The following SCAP variants were observed in gnomAD, a reference collection of about 807,000 sequenced individuals.
SCAP encodes SREBF chaperone, also known as sterol regulatory element-binding protein cleavage-activating protein.
Under a neutral mutation model 123.6 loss-of-function variants are expected in SCAP, and 65 were observed. The ratio of observed to expected loss-of-function variants is 0.53; its 90% CI spans 0.43 to 0.65. The LOEUF (loss-of-function observed/expected upper bound fraction) is 0.65. Among genes scored for constraint, SCAP ranks in the 30% least tolerant of loss-of-function variants. The pLI, the probability that SCAP is intolerant of heterozygous loss-of-function variation, is 0.00. For missense variants in SCAP, 1,398 were observed against 1,712.5 expected, an observed-to-expected ratio of 0.82 and a Z score of 3.24; for synonymous variants, 740 against 726.3, an observed-to-expected ratio of 1.02 and a Z score of -0.30.
intron 10 of SCAP, chr3:47,421,246 AGAAAGGGCT>A: frequency 3.4e-6 from 2 of 583,696 alleles, no homozygotes; most frequent in East Asian, 2.9e-5. Context: ...CACTTTCTTC[AGAAAGGGCT>A]GAAAGGGAAG....
intron 1 of SCAP, chr3:47,469,798 A>C (rs1182910323): frequency 1.8e-6 from 1 of 559,634 alleles, no homozygotes; most frequent in Admixed American, 2.0e-5. Context: ...TCAACAAGGA[A>C]GAGACTTGCA....
chr3:47,414,301 G>A lies in SCAP; in HGVS notation c.3473C>T (p.Ala1158Val). ...LTGSRVSHVF[A>V]HRGDVTSLTC... is the part of the protein sequence containing the mutation. ...AAGGGAGGTGACATCCCCACGGTGA[G>A]CAAACACATGGCTGACCCGGCTGCC... The change falls in exon 22 of 23, where the codon GCT becomes GTT. Residue 1158 changes from alanine to valine, a missense_variant. Physicochemically the swap from Ala to Val is moderately conservative, Grantham distance 64. This residue lies in a region of SCAP where 130 missense variants were observed against 166.7 expected (regional missense o/e 0.78). Transcript: ENST00000265565. 1 of 1,613,306 alleles carries A rather than the reference G, an allele frequency of 6.2e-7. No homozygotes were observed. Among genetic ancestry groups the A allele is most frequent in the Non-Finnish European group, 8.5e-7 (1 of 1,180,024 alleles).
chr3:47,422,011 G>A (rs1705923741), intron 10 of SCAP, among the ~76,000 whole-genome samples: 2 of 152,290 alleles, frequency 1.3e-5, no homozygotes, highest in South Asian at 4.1e-4. Context: ...CTGCGGCACA[G>A]GCCAGGGCCA....
At chr3:47,447,749 G>A (rs1259948402) in intron 1 of SCAP, among the ~76,000 whole-genome samples, 1 of 151,630 alleles carries the variant, frequency 6.6e-6, no homozygotes, top group South Asian at 2.1e-4. Flanking sequence ...GTTCATGCCT[G>A]TAATCCCAGC....
intron 1 of SCAP, among the ~76,000 whole-genome samples, chr3:47,458,875 G>A (rs560589126): frequency 3.3e-4 from 50 of 152,264 alleles, no homozygotes; most frequent in Non-Finnish European, 8.8e-5. Flanking sequence ...GCGTGATCTC[G>A]GCTCACTGCA....
At chr3:47,442,504 A>G (rs1559556355) in intron 2 of SCAP, among the ~76,000 whole-genome samples, 1 of 152,246 alleles carries the variant, frequency 6.6e-6, no homozygotes, top group Non-Finnish European at 1.5e-5. Flanking sequence ...TTTGCCTCGC[A>G]ACACACAAAA....
At position 47,420,898 on chromosome 3, in the gene SCAP, A is replaced by C. The variant is rs1372364368; in HGVS notation, c.1344+33T>G. On this transcript the variant is annotated intron_variant, in intron 11 of 22. Coordinates refer to ENST00000265565, the MANE Select transcript of SCAP (RefSeq NM_012235.4). This position sits in a 1 kb window ranked among gnomAD's most constrained non-coding sequence, Gnocchi z 5.0. ...TCCCTCAGTACAGCCAGGGCTGAGG[A>C]GGCGGGCAGGGCAGGGCTCAGCCCA... 1.9e-6 allele frequency: 3 copies of C among 1,596,320 alleles called. No individual in the cohort carries two copies. Among genetic ancestry groups the C allele is most frequent in the South Asian group, 1.1e-5 (1 of 90,718 alleles).
intron 7 of SCAP, 108 bp downstream of exon 7, chr3:47,425,889 G>T: frequency 8.0e-7 from 1 of 1,247,994 alleles, no homozygotes; most frequent in Non-Finnish European, 1.1e-6. Flanking sequence ...ACCACCAGGT[G>T]TGTTCTATCT....
At chr3:47,418,034 G>T in intron 16 of SCAP, 100 bp downstream of exon 16, 1 of 804,420 alleles carries the variant, frequency 1.2e-6, no homozygotes, top group Non-Finnish European at 2.0e-6. Flanking sequence ...AGGGGTTGGG[G>T]GATACCTCGG....
chr3:47,443,694 A>G (rs1391812438), intron 1 of SCAP, among the ~76,000 whole-genome samples: 1 of 152,166 alleles, frequency 6.6e-6, no homozygotes, highest in Non-Finnish European at 1.5e-5. Flanking sequence ...TCTTGGTCCT[A>G]TAGTTGTTCC....
intron 1 of SCAP, among the ~76,000 whole-genome samples, chr3:47,444,042 G>C (rs1352226463): frequency 1.3e-5 from 2 of 152,116 alleles, no homozygotes; most frequent in Non-Finnish European, 1.5e-5. Flanking sequence ...CGTTTTGTAA[G>C]CTATTCTATA....
At chr3:47,436,643 G>GA (rs1470641213) in intron 2 of SCAP, among the ~76,000 whole-genome samples, 2 of 151,200 alleles carry the variant, frequency 1.3e-5, no homozygotes, top group Non-Finnish European at 3.0e-5. Context: ...GAAAAAAAAA[G>GA]AAAAAAAAGA....
rs1705790683 is a variant in SCAP, at chr3:47,419,405, A to G, written c.1863T>C (p.Asp621=). Residue 621 remains aspartate, a synonymous_variant, in exon 13 of 23, where the codon GAT becomes GAC. Coordinates refer to ENST00000265565, the MANE Select transcript of SCAP (RefSeq NM_012235.4). This position sits in a 1 kb window ranked among gnomAD's most constrained non-coding sequence, Gnocchi z 5.0. ...AGGACAATTTCCTCCAAAGTTCCTCATCCTCAGGCCCCCAGGTTACCTCTG... is the reference window on the plus strand; with the variant it reads ...AGGACAATTTCCTCCAAAGTTCCTCGTCCTCAGGCCCCCAGGTTACCTCTG... ...PVPEVTWGPE[D]EELWRKLSFR... 1 of 1,611,760 alleles carries G rather than the reference A, an allele frequency of 6.2e-7. No individual in the cohort carries two copies. The highest frequency in any genetic ancestry group is 8.5e-7 in the Non-Finnish European group (1 of 1,179,338).
rs543715859 is a variant in SCAP, at chr3:47,414,401, C to G, written c.3388-15G>C. The G allele has an allele frequency of 6.2e-7, 1 of 1,612,146 alleles. No individual in the cohort carries two copies. The highest frequency in any genetic ancestry group is 1.1e-5 in the South Asian group (1 of 91,076). On this transcript the variant is annotated splice_polypyrimidine_tract_variant and intron_variant, in intron 21 of 22. Transcript: ENST00000265565. ...AGCACCATGGTCTGGGGAAACAGGC[C>G]AGGGGAGTGGGGTCACCATGGTGTA...
intron 3 of SCAP, among the ~76,000 whole-genome samples, chr3:47,432,168 T>C (rs1706384918): frequency 6.6e-6 from 1 of 151,724 alleles, no homozygotes; most frequent in South Asian, 2.1e-4. Flanking sequence ...ATACAAAAAA[T>C]TAGCCAGGCG....
chr3:47,418,310 C>A lies in SCAP; in HGVS notation c.2331+11G>T. 1 of 1,556,892 alleles carries A rather than the reference C, an allele frequency of 6.4e-7. No individual in the cohort carries two copies. The highest frequency in any genetic ancestry group is 2.4e-5 in the East Asian group (1 of 41,326). ...GGCCCTCCCCTACCCGGCCACTGTGCCCCTGCTCACCATGAGGTGGCCGCG... is the reference window on the plus strand; with the variant it reads ...GGCCCTCCCCTACCCGGCCACTGTGACCCTGCTCACCATGAGGTGGCCGCG... On this transcript the variant is annotated intron_variant, in intron 15 of 22. Coordinates refer to ENST00000265565, the MANE Select transcript of SCAP (RefSeq NM_012235.4).
chr3:47,456,694 G>C (rs1193356211), intron 1 of SCAP, among the ~76,000 whole-genome samples: 1 of 151,962 alleles, frequency 6.6e-6, no homozygotes, highest in Non-Finnish European at 1.5e-5. Context: ...GAACCTGGGA[G>C]GCGGAGGTTG....
chr3:47,440,940 T>C (rs975295620), intron 2 of SCAP, among the ~76,000 whole-genome samples: 1 of 151,848 alleles, frequency 6.6e-6, no homozygotes, highest in African/African-American at 2.4e-5. Context: ...TCTCACTCTT[T>C]CGCCAGGCTA....
chr3:47,425,526 T>G lies in SCAP; in HGVS notation c.996A>C (p.Gly332=). The G allele has an allele frequency of 6.2e-7, 1 of 1,613,756 alleles. No homozygotes were observed. Among genetic ancestry groups the G allele is most frequent in the Non-Finnish European group, 8.5e-7 (1 of 1,179,988 alleles). ...GCGTCAGGCCGAAGAGTGTGCAGAG[T>G]CCCACAGACATGAGCAGCGAGCTGA... ...TVLSSLLMSV[G]LCTLFGLTPT... Residue 332 remains glycine (G), a synonymous_variant, in exon 8 of 23, where the codon GGA becomes GGC. Transcript: ENST00000265565.
Sources: allele counts gnomAD v4.1 joint callset (sites outside exome capture counted in the v4.1 genomes callset), GRCh38; gene constraint gnomAD v4.1.1; regional missense constraint gnomAD v4.1.1; non-coding constraint Gnocchi (gnomAD v3.1); transcripts MANE v1.5; gene names NCBI Gene and HGNC (gene_info 2026-07-23, HGNC 2026-07-21).